GRM1: variants seen among roughly 807,000 people sequenced by gnomAD.
GRM1 encodes glutamate metabotropic receptor 1.
In GRM1, 33 loss-of-function variants were observed where a neutral mutation model predicts 90.9. The observed-to-expected ratio is 0.36, with a 90% CI of 0.28 to 0.49. The LOEUF (loss-of-function observed/expected upper bound fraction) is 0.49, where lower values mean the gene tolerates loss of function less well. Ranked by LOEUF, GRM1 falls within the 20% of genes least tolerant of loss-of-function variation. The pLI is 0.99. For missense variants in GRM1, 1,190 were observed against 1,534.3 expected (o/e 0.78, Z 3.75); for synonymous variants, 700 against 613.2 (o/e 1.14, Z -2.09).
At chr6:146,048,761 A>T (rs1298419716) in intron 1 of GRM1, among the ~76,000 whole-genome samples, 1 of 152,012 alleles carries the variant, frequency 6.6e-6, no homozygotes, top group Non-Finnish European at 1.5e-5. Context: ...GAAGACGGAG[A>T]TTGGGGTGAT....
chr6:146,249,228 T>C (rs1447800167), intron 2 of GRM1, among the ~76,000 whole-genome samples: 2 of 152,282 alleles, frequency 1.3e-5, no homozygotes, highest in East Asian at 3.9e-4. Flanking sequence ...TCCTAAGTAA[T>C]GAGGAGCTGC....
chr6:146,173,833 AT>A (rs1778237357), intron 2 of GRM1, among the ~76,000 whole-genome samples: 1 of 151,816 alleles, frequency 6.6e-6, no homozygotes, highest in Admixed American at 6.6e-5. Context: ...CGCCTGGCTA[AT>A]TTTTTGTATC....
At chr6:146,333,904 A>C (rs1413350701) in intron 3 of GRM1, among the ~76,000 whole-genome samples, 1 of 152,210 alleles carries the variant, frequency 6.6e-6, no homozygotes, top group African/African-American at 2.4e-5. Context: ...AAAAAGGAAA[A>C]AAAAATGATG....
intron 1 of GRM1, among the ~76,000 whole-genome samples, chr6:146,155,249 A>T (rs1282804779): frequency 1.3e-5 from 2 of 152,242 alleles, no homozygotes; most frequent in African/African-American, 4.8e-5. Context: ...TCCCACAATC[A>T]TAATAAGATT....
intron 1 of GRM1, among the ~76,000 whole-genome samples, chr6:146,086,179 C>A (rs1284945111): frequency 2.6e-5 from 4 of 152,074 alleles, no homozygotes; most frequent in African/African-American, 9.6e-5. Flanking sequence ...AATGAGGGAG[C>A]CAGTAATTAA....
chr6:146,279,231 C>A lies in GRM1; in HGVS notation c.951-25380C>A, dbSNP rs116532421. The stretch of plus-strand genomic sequence containing the variant: ...CATTGCTATTATTGATCATTTATAT[C>A]TGCTCTCTGTCTCTCTCTTTCAGTA... On this transcript the variant is annotated intron_variant, in intron 2 of 7. Coordinates refer to ENST00000282753, the MANE Select transcript of GRM1 (RefSeq NM_001278064.2). 8.9e-3 allele frequency among the ~76,000 whole-genome samples: 1,352 copies of A among 152,096 alleles called. 18 individuals are homozygous for A. The highest frequency in any genetic ancestry group is 0.03 in the African/African-American group (1,246 of 41,466).
intron 1 of GRM1, among the ~76,000 whole-genome samples, chr6:146,075,328 G>T (rs1365125806): frequency 6.6e-6 from 1 of 152,188 alleles, no homozygotes; most frequent in African/African-American, 2.4e-5. Flanking sequence ...TCTACTATGT[G>T]TCAGACACTG....
chr6:146,329,852 A>G (rs1191355355), intron 3 of GRM1, among the ~76,000 whole-genome samples: 1 of 152,164 alleles, frequency 6.6e-6, no homozygotes, highest in African/African-American at 2.4e-5. Context: ...TATTTCATGT[A>G]ATTTATTGAA....
rs1324531832 is a variant in GRM1, at chr6:146,435,120, T to C, written c.*324T>C. 2 of 458,910 alleles carry C rather than the reference T, an allele frequency of 4.4e-6. No individual in the cohort carries two copies. Among genetic ancestry groups the C allele is most frequent in the Non-Finnish European group, 8.1e-6 (2 of 248,080 alleles). The allele number at this position is 458,910 out of a possible 1,614,324, so 28.4% of individuals were successfully genotyped here. On this transcript the variant is annotated 3_prime_UTR_variant, in exon 8 of 8. Coordinates refer to ENST00000282753, the MANE Select transcript of GRM1 (RefSeq NM_001278064.2). The stretch of plus-strand genomic sequence containing the variant: ...TCAAATAGTGACATCACAAACATAA[T>C]GTCCTCTTTTGCACAATTGTGCATA...
chr6:146,425,031 T>C (rs143745566), intron 7 of GRM1, among the ~76,000 whole-genome samples: 36 of 152,308 alleles, frequency 2.4e-4, no homozygotes, highest in African/African-American at 7.5e-4. Flanking sequence ...CTAATTTTAT[T>C]AAATGAATGG....
intron 2 of GRM1, among the ~76,000 whole-genome samples, chr6:146,239,536 G>A (rs1780774659): frequency 6.6e-6 from 1 of 152,052 alleles, no homozygotes; most frequent in Non-Finnish European, 1.5e-5. Flanking sequence ...ATCAGTGTTT[G>A]ACGGATGCAT....
rs766652943 is a variant in GRM1, at chr6:146,387,003, T to C, written c.1716T>C (p.Asn572=). The C allele has an allele frequency of 1.2e-6, 2 of 1,613,122 alleles. No individual in the cohort carries two copies. The highest frequency in any genetic ancestry group is 1.7e-4 in the Middle Eastern group (1 of 6,054). ...CTTGTGACTTGGGATGGTGGCCCAATGCAGATCTAACAGGTAGGAACTGCC... is the reference window on the plus strand; with the variant it reads ...CTTGTGACTTGGGATGGTGGCCCAACGCAGATCTAACAGGTAGGAACTGCC... ...CKACDLGWWP[N]ADLTGCEPIP... Residue 572 remains asparagine, a synonymous_variant, in exon 6 of 8, where the codon AAT becomes AAC. Transcript: ENST00000282753.
At chr6:146,135,006 C>T (rs976601652) in intron 1 of GRM1, among the ~76,000 whole-genome samples, 4 of 152,166 alleles carry the variant, frequency 2.6e-5, no homozygotes, top group Non-Finnish European at 5.9e-5. Context: ...CCCACGAGGT[C>T]CCTCCCTCAA....
chr6:146,049,269 A>G (rs1315533141), intron 1 of GRM1, among the ~76,000 whole-genome samples: 1 of 152,004 alleles, frequency 6.6e-6, no homozygotes, highest in Non-Finnish European at 1.5e-5. Context: ...ATTTTTGAGT[A>G]GGTCTATGAG....
At chr6:146,325,841 T>C (rs1784381652) in intron 3 of GRM1, among the ~76,000 whole-genome samples, 1 of 152,252 alleles carries the variant, frequency 6.6e-6, no homozygotes, top group South Asian at 2.1e-4. Context: ...ATGTCTTTTG[T>C]CAGAGTGCCT....
intron 3 of GRM1, among the ~76,000 whole-genome samples, chr6:146,311,741 A>T (rs1237362489): frequency 6.6e-6 from 1 of 152,234 alleles, no homozygotes; most frequent in African/African-American, 2.4e-5. Context: ...TAACAGTGAT[A>T]CATGAGTAAC....
chr6:146,377,992 C>T (rs1317083997), intron 5 of GRM1, among the ~76,000 whole-genome samples: 1 of 152,210 alleles, frequency 6.6e-6, no homozygotes, highest in Non-Finnish European at 1.5e-5. Flanking sequence ...CAATATAGTG[C>T]TCAAGCTGTT....
chr6:146,199,955 T>C (rs768863973), intron 2 of GRM1, among the ~76,000 whole-genome samples: 1 of 152,128 alleles, frequency 6.6e-6, no homozygotes, highest in Non-Finnish European at 1.5e-5. Flanking sequence ...AGGTGAAGAT[T>C]CGGCGAGCCA....
intron 7 of GRM1, among the ~76,000 whole-genome samples, chr6:146,421,846 T>C (rs1191100966): frequency 6.6e-6 from 1 of 152,150 alleles, no homozygotes; most frequent in Admixed American, 6.5e-5. Flanking sequence ...ACAGAGAGCC[T>C]ACACACATAC....
Sources: allele counts gnomAD v4.1 joint callset (sites outside exome capture counted in the v4.1 genomes callset), GRCh38; gene constraint gnomAD v4.1.1; transcripts MANE v1.5; gene names NCBI Gene and HGNC (gene_info 2026-07-23, HGNC 2026-07-21).